The following HAL variants were observed in gnomAD, a reference collection of about 807,000 sequenced individuals.
HAL encodes histidase.
In HAL, 85 loss-of-function variants were observed where a neutral mutation model predicts 81.1. The ratio of observed to expected loss-of-function variants is 1.05; its 90% CI spans 0.88 to 1.25. The LOEUF (loss-of-function observed/expected upper bound fraction) is 1.25. HAL is among the 50% of genes most tolerant of loss of function. HAL has a pLI of 0.00. For missense variants in HAL, 798 were observed against 836.6 expected, an observed-to-expected ratio of 0.95 and a Z score of 0.57; for synonymous variants, 301 against 309.2, an observed-to-expected ratio of 0.97 and a Z score of 0.28.
rs771203285 is a variant in HAL at position 95,994,956 on chromosome 12, T to A, written c.285A>T (p.Pro95=). 1.3e-5 allele frequency: 21 copies of A among 1,612,766 alleles called. 1 individual carries two copies. Among genetic ancestry groups the A allele is most frequent in the Admixed American group, 1.0e-4 (6 of 60,002 alleles). Residue 95 remains proline, a synonymous_variant, in exon 3 of 21, where the codon CCA becomes CCT. Coordinates refer to ENST00000261208, the MANE Select transcript of HAL (RefSeq NM_002108.4). Reference sequence around the variant, plus strand: ...ACAGATAAACTCCTTCTGGTTGAGATGGAATGAAGTCAGGAGACATGGCAT... The same window carrying A: ...ACAGATAAACTCCTTCTGGTTGAGAAGGAATGAAGTCAGGAGACATGGCAT... The part of the protein sequence containing the change: ...EGDAMSPDFI[P]SQPEGVYLYS...
rs1327938107 is a variant in HAL, at chr12:95,992,685, A to T, written c.710T>A (p.Phe237Tyr). ...LETLKQVIEM[F>Y]NASCLPYVPE... Reference sequence around the variant, plus strand: ...CTAGGGAGCCATTGCATTACCATTAAACATTTCTATGACTTGTTTGAGGGT... The same window carrying T: ...CTAGGGAGCCATTGCATTACCATTATACATTTCTATGACTTGTTTGAGGGT... The change falls in exon 9 of 21, where the codon TTT (phenylalanine) becomes TAT (tyrosine). Residue 237 changes from phenylalanine to tyrosine, a missense_variant. By Grantham distance (22) the Phe-to-Tyr change is conservative. Coordinates refer to ENST00000261208, the MANE Select transcript of HAL (RefSeq NM_002108.4). The T allele has an allele frequency of 6.2e-7, 1 of 1,612,178 alleles. No individual in the cohort carries two copies.
chr12:95,973,838 A>T lies in HAL; in HGVS notation c.*394T>A. On this transcript the variant is annotated 3_prime_UTR_variant, in exon 21 of 21. Coordinates refer to ENST00000261208, the MANE Select transcript of HAL (RefSeq NM_002108.4). ...GAAGCAAATTTAAAAAAAAAAAAAA[A>T]GGTTAACAAAAGTCTAATGTTTTTA... 1 of 164,536 alleles carries T rather than the reference A, an allele frequency of 6.1e-6. No individual in the cohort carries two copies. The highest frequency in any genetic ancestry group is 1.3e-5 in the Non-Finnish European group (1 of 76,134). 10.2% of individuals were successfully genotyped at this position (164,536 alleles called of 1,614,324 possible).
intron 15 of HAL, 58 bp from the exon 16 acceptor site, chr12:95,980,921 C>T (rs2080787056): frequency 3.1e-6 from 3 of 961,684 alleles, no homozygotes; most frequent in East Asian, 2.4e-5. Flanking sequence ...AAGTACAACC[C>T]CTTCCTGCCT....
intron 11 of HAL, 80 bp downstream of exon 11, chr12:95,988,113 T>G: frequency 1.3e-6 from 1 of 795,864 alleles, no homozygotes; most frequent in South Asian, 1.4e-5. Flanking sequence ...AAGGAATGAT[T>G]GAGGCTGAGA....
rs149515056 is a variant in HAL at position 95,986,078 on chromosome 12, T to C, written c.1134A>G (p.Pro378=). ...ACATGGTCAGACCTGCTATTTCTGA[T>C]GGGTGGTGATCTGAGTCCAAGAGTG... The part of the protein sequence containing the change: ...FRSLLDSDHH[P]SEIAESHRFC... Residue 378 remains proline, a synonymous_variant, in exon 13 of 21, where the codon CCA becomes CCG. Transcript: ENST00000261208. 10 of 1,610,980 alleles carry C rather than the reference T, an allele frequency of 6.2e-6. No homozygotes were observed. The African/African-American group carries it at 1.1e-4, about 17-fold the overall frequency.
Position 95,985,982 on chromosome 12 carries a change from A to G in HAL, c.1148-16T>C, listed in dbSNP as rs763181812. 3.1e-6 allele frequency: 5 copies of G among 1,606,486 alleles called. No individual in the cohort carries two copies. In the Admixed American group the frequency reaches 8.3e-5, roughly 27 times the overall value. ...CTGTGACTCTCTGTGGAAGAGGTGG[A>G]GGGGATGAGACAGGGATCATGTTAC... On this transcript the variant is annotated splice_polypyrimidine_tract_variant and intron_variant, in intron 13 of 20. Coordinates refer to ENST00000261208, the MANE Select transcript of HAL (RefSeq NM_002108.4).
At chr12:95,994,754 G>A in intron 4 of HAL, 44 bp downstream of exon 4, 2 of 1,586,118 alleles carry the variant, frequency 1.3e-6, no homozygotes, top group Non-Finnish European at 8.7e-7. Context: ...CTTAAATAAG[G>A]GGCCTTAATT....
chr12:95,985,580 ACT>A (rs1408116687), intron 14 of HAL, among the ~76,000 whole-genome samples: 1 of 145,488 alleles, frequency 6.9e-6, no homozygotes, highest in Non-Finnish European at 1.5e-5. Flanking sequence ...ACAGAGTGAG[ACT>A]CTGTCTCCAA....
intron 9 of HAL, among the ~76,000 whole-genome samples, chr12:95,992,300 A>T (rs972173348): frequency 6.6e-6 from 1 of 152,226 alleles, no homozygotes; most frequent in East Asian, 1.9e-4. Context: ...CACCAACCAG[A>T]ACTACTGAAT....
In HAL at chr12:95,985,941, G is replaced by T; in HGVS notation, c.1173C>A (p.Val391=). The T allele has an allele frequency of 6.2e-7, 1 of 1,612,300 alleles. No homozygotes were observed. Among genetic ancestry groups the T allele is most frequent in the South Asian group, 1.1e-5 (1 of 91,014 alleles). The change falls in exon 14 of 21, where the codon GTC becomes GTA. Residue 391 remains valine (V), a synonymous_variant. Transcript: ENST00000261208. ...IAESHRFCDR[V]QDAYTLRCCP... ...AGCAGCGCAAGGTGTATGCATCCTG[G>T]ACGCGATCACAGAACCTGTGACTCT...
At chr12:95,981,015 G>A (rs1348271523) in intron 15 of HAL, 152 bp from the exon 16 acceptor site, 1 of 693,288 alleles carries the variant, frequency 1.4e-6, no homozygotes, top group African/African-American at 1.8e-5. Flanking sequence ...AGATATAAAG[G>A]GGCACAAAAG....
At chr12:95,977,005 C>A (rs2080728896) in intron 18 of HAL, among the ~76,000 whole-genome samples, 1 of 152,190 alleles carries the variant, frequency 6.6e-6, no homozygotes, top group African/African-American at 2.4e-5. Context: ...TCTGCCATGT[C>A]CCCCATTCAC....
intron 20 of HAL, 142 bp downstream of exon 20, chr12:95,976,287 T>C (rs1157854661): frequency 1.1e-5 from 8 of 759,764 alleles, no homozygotes; most frequent in Non-Finnish European, 1.9e-5. Context: ...TTAGTGGTGC[T>C]GCAAGTTGTT....
Position 95,996,254 on chromosome 12 carries a change from A to G in HAL, c.-258T>C, listed in dbSNP as rs1038870041. On this transcript the variant is annotated 5_prime_UTR_variant, in exon 1 of 21. The change abolishes the stop of an existing upstream ORF in the 5' untranslated region. Transcript: ENST00000261208. Reference sequence around the variant, plus strand: ...TACCTGCTGCTGGCCCCCTTTCTTCAGGGTCCCCAATTTCTCTCTCTTCCC... The same window carrying G: ...TACCTGCTGCTGGCCCCCTTTCTTCGGGGTCCCCAATTTCTCTCTCTTCCC... 7 of 328,634 alleles carry G rather than the reference A, an allele frequency of 2.1e-5. No individual in the cohort carries two copies. The Admixed American group carries it at 2.2e-4, about 10-fold the overall frequency. 20.4% of individuals were successfully genotyped at this position (328,634 alleles called of 1,614,324 possible).
chr12:95,994,846 AT>A (rs755362391), intron 3 of HAL, 21 bp from the exon 4 acceptor site: 4 of 1,613,950 alleles, frequency 2.5e-6, no homozygotes, highest in Non-Finnish European at 3.4e-6. Flanking sequence ...GTAAAGGAAC[AT>A]ATAGGGTGGT....
chr12:95,994,866 AC>A (rs777291444), intron 3 of HAL, 41 bp from the exon 4 acceptor site: 2 of 1,611,950 alleles, frequency 1.2e-6, no homozygotes, highest in South Asian at 1.1e-5. Flanking sequence ...GTGTGGAAAA[AC>A]CCCCAGCCCC....
At chr12:95,976,205 TTC>T in intron 20 of HAL, 2 of 581,294 alleles carry the variant, frequency 3.4e-6, no homozygotes, top group Non-Finnish European at 6.2e-6. Context: ...TAAAATCCAT[TTC>T]TGTTTCTAAT....
chr12:95,981,075 C>T (rs1014156602), intron 15 of HAL, among the ~76,000 whole-genome samples: 1 of 152,172 alleles, frequency 6.6e-6, no homozygotes, highest in South Asian at 2.1e-4. Flanking sequence ...AATTTGGAGG[C>T]TGAAAAAACA....
chr12:95,987,279 T>C, intron 11 of HAL, 65 bp from the exon 12 acceptor site: 1 of 1,354,256 alleles, frequency 7.4e-7, no homozygotes, highest in Non-Finnish European at 1.1e-6. Context: ...ACCCGTGGAT[T>C]TTGTATCTTT....
Sources: gnomAD v4.1 joint callset for allele counts (sites outside exome capture counted in the v4.1 genomes callset) on GRCh38, gnomAD v4.1.1 for gene constraint, MANE v1.5 for transcripts, NCBI Gene and HGNC (gene_info 2026-07-23, HGNC 2026-07-21) for gene names.